GPC3: variants seen among roughly 807,000 people sequenced by gnomAD.
GPC3 encodes glypican-3.
GPC3 carries 3 observed loss-of-function variants against 34.4 expected under a neutral mutation model. That is an observed-to-expected ratio of 0.09 (90% CI 0.04 to 0.23). The LOEUF is 0.23. Ranked by LOEUF, GPC3 falls within the 10% of genes least tolerant of loss-of-function variation. GPC3 has a pLI of 1.00. For missense variants in GPC3, 351 were observed against 445.6 expected (o/e 0.79, Z 1.91); for synonymous variants, 177 against 174.0 (o/e 1.02, Z -0.13).
intron 2 of GPC3, among the ~76,000 whole-genome samples, chrX:133,756,360 C>T (rs1353476148): frequency 1.8e-5 from 2 of 112,243 alleles, no homozygotes; most frequent in Non-Finnish European, 3.8e-5. Context: ...ATTGGCTTCC[C>T]ATCTTCAAAT....
intron 2 of GPC3, among the ~76,000 whole-genome samples, chrX:133,942,751 G>A (rs983520980): frequency 1.8e-5 from 2 of 111,336 alleles, no homozygotes; most frequent in African/African-American, 6.5e-5. Context: ...AATAAATACT[G>A]CTGTATTACT....
At chrX:133,835,008 C>T (rs142799537) in intron 2 of GPC3, among the ~76,000 whole-genome samples, 2,104 of 112,078 alleles carry the variant, frequency 0.019, 26 homozygotes, top group Non-Finnish European at 0.024. Context: ...ATGGCATCCA[C>T]GCTTTTTGGT....
chrX:133,649,088 G>A (rs1341348720), intron 6 of GPC3, among the ~76,000 whole-genome samples: 1 of 111,416 alleles, frequency 9.0e-6, no homozygotes, highest in East Asian at 2.8e-4. Context: ...TTGGCACAGA[G>A]AGCTGCTTGC....
intron 6 of GPC3, among the ~76,000 whole-genome samples, chrX:133,628,048 C>T (rs1430950291): frequency 8.9e-6 from 1 of 111,942 alleles, no homozygotes; most frequent in African/African-American, 3.2e-5. Context: ...CTTTTTGTGT[C>T]GATGGTTTAA....
chrX:133,738,078 C>G lies in GPC3; in HGVS notation c.1032+15404G>C, dbSNP rs180837311. 2.4e-3 allele frequency among the ~76,000 whole-genome samples: 264 copies of G among 111,999 alleles called. 4 individuals carry two copies. The highest frequency in any genetic ancestry group is 7.0e-3 in the Admixed American group (74 of 10,577). ...TCCCAGGCTCAAGCAATCCTCCCCG[C>G]TCAGGCTCCCGAGTAGCTGAGACCA... On this transcript the variant is annotated intron_variant, in intron 3 of 7. Coordinates refer to ENST00000370818, the MANE Select transcript of GPC3 (RefSeq NM_004484.4).
chrX:133,565,886 T>C (rs2069577410), intron 7 of GPC3, among the ~76,000 whole-genome samples: 1 of 112,481 alleles, frequency 8.9e-6, no homozygotes, highest in Admixed American at 9.4e-5. Context: ...ATCCAAGCTC[T>C]ACCACTTGCC....
In GPC3 at chrX:133,630,089, GAAAAGA is replaced by G. The variant is rs982562146; in HGVS notation, c.1413+31635_1413+31640del. On this transcript the variant is annotated intron_variant, in intron 6 of 7. Coordinates refer to ENST00000370818, the MANE Select transcript of GPC3 (RefSeq NM_004484.4). Reference sequence around the variant, plus strand: ...AAAGAAAAAAGAAAAAAAGGAAAAGGAAAAGAAAAAGAATAAAGAAAGAGTTGAGTT... The same window carrying G: ...AAAGAAAAAAGAAAAAAAGGAAAAGGAAAAGAATAAAGAAAGAGTTGAGTT... Among the ~76,000 whole-genome samples the G allele has an allele frequency of 9.0e-5, 10 of 111,372 alleles. No homozygotes were observed. In the Admixed American group the frequency reaches 9.5e-4, roughly 11 times the overall value.
At chrX:133,747,979 A>G (rs2071627218) in intron 3 of GPC3, among the ~76,000 whole-genome samples, 1 of 112,416 alleles carries the variant, frequency 8.9e-6, no homozygotes, top group African/African-American at 3.2e-5. Context: ...TCAATAAAGT[A>G]TGTATGTGTG....
At chrX:133,778,264 A>G (rs2072008682) in intron 2 of GPC3, among the ~76,000 whole-genome samples, 1 of 111,869 alleles carries the variant, frequency 8.9e-6, no homozygotes, top group Non-Finnish European at 1.9e-5. Context: ...ACTGCTTGTT[A>G]CCCTTTCTTT....
chrX:133,808,525 T>C (rs760593798), intron 2 of GPC3, among the ~76,000 whole-genome samples: 1 of 111,790 alleles, frequency 8.9e-6, no homozygotes, highest in South Asian at 3.8e-4. Flanking sequence ...GGTCCTTATA[T>C]GCTATAATAT....
intron 2 of GPC3, among the ~76,000 whole-genome samples, chrX:133,823,059 G>T (rs2124536838): frequency 1.0e-5 from 1 of 97,513 alleles, no homozygotes; most frequent in South Asian, 5.2e-4. Context: ...AACTCAGGAG[G>T]CAGAGGTTGC....
At chrX:133,613,113 GA>G (rs757336549) in intron 6 of GPC3, among the ~76,000 whole-genome samples, 1 of 110,764 alleles carries the variant, frequency 9.0e-6, no homozygotes, top group Non-Finnish European at 1.9e-5. Context: ...AATATCATGA[GA>G]AAAAAAAGCA....
chrX:133,759,659 T>C (rs909131054), intron 2 of GPC3, among the ~76,000 whole-genome samples: 2 of 112,153 alleles, frequency 1.8e-5, no homozygotes, highest in Non-Finnish European at 3.8e-5. Context: ...ATAAAACTTA[T>C]AGAATGTAAA....
intron 2 of GPC3, among the ~76,000 whole-genome samples, chrX:133,788,723 CCCT>C (rs1055481128): frequency 2.0e-5 from 2 of 99,199 alleles, no homozygotes; most frequent in African/African-American, 7.4e-5. Flanking sequence ...TCTTCCTCCC[CCCT>C]CCTCCTCCTA....
chrX:133,673,558 G>A (rs1052040058), intron 5 of GPC3, among the ~76,000 whole-genome samples: 2 of 112,300 alleles, frequency 1.8e-5, no homozygotes, highest in Admixed American at 9.4e-5. Context: ...GTTCGGTTTG[G>A]CAGTCATAGT....
chrX:133,759,701 A>C (rs928447002), intron 2 of GPC3, among the ~76,000 whole-genome samples: 2 of 112,168 alleles, frequency 1.8e-5, no homozygotes, highest in African/African-American at 6.5e-5. Flanking sequence ...CCTTAAGTTT[A>C]GCAGTAAGTT....
chrX:133,796,159 A>G (rs763888048), intron 2 of GPC3, among the ~76,000 whole-genome samples: 1 of 109,584 alleles, frequency 9.1e-6, no homozygotes, highest in Non-Finnish European at 1.9e-5. Context: ...GTTAGCCAGG[A>G]TGGTCTCAAT....
chrX:133,947,298 G>A (rs1490116759), intron 2 of GPC3, among the ~76,000 whole-genome samples: 1 of 111,445 alleles, frequency 9.0e-6, no homozygotes, highest in Non-Finnish European at 1.9e-5. Context: ...TTAAATCAAG[G>A]GCATGAGTTC....
chrX:133,841,086 G>A (rs1014160117), intron 2 of GPC3, among the ~76,000 whole-genome samples: 1 of 108,608 alleles, frequency 9.2e-6, no homozygotes, highest in African/African-American at 3.3e-5. Flanking sequence ...GAAAGTTCTT[G>A]TTCTGTCACC....
Sources: gnomAD v4.1 joint callset for allele counts (sites outside exome capture counted in the v4.1 genomes callset) on GRCh38, gnomAD v4.1.1 for gene constraint, MANE v1.5 for transcripts, NCBI Gene and HGNC (gene_info 2026-07-23, HGNC 2026-07-21) for gene names.